The following LNX1 variants were observed in gnomAD, a reference collection of about 807,000 sequenced individuals.
LNX1 encodes the protein E3 ubiquitin-protein ligase LNX.
In LNX1, 54 loss-of-function variants were observed where a neutral mutation model predicts 68.4. That is an observed-to-expected ratio of 0.79 (90% CI 0.63 to 0.99). The LOEUF (loss-of-function observed/expected upper bound fraction) is 0.99. Among genes scored for constraint, LNX1 ranks in the 50% least tolerant of loss-of-function variants. The pLI is 0.00. For synonymous variants in LNX1, 336 were observed against 350.0 expected (o/e 0.96, Z 0.45); for missense variants, 906 against 926.4 (o/e 0.98, Z 0.29).
intron 6 of LNX1, among the ~76,000 whole-genome samples, chr4:53,487,519 C>T (rs955174869): frequency 6.6e-6 from 1 of 152,210 alleles, no homozygotes; most frequent in Non-Finnish European, 1.5e-5. Context: ...TTGCCACCCT[C>T]TCCCCACAAT....
intron 2 of LNX1, among the ~76,000 whole-genome samples, chr4:53,571,479 G>A (rs933750559): frequency 3.3e-5 from 5 of 151,976 alleles, no homozygotes; most frequent in East Asian, 1.9e-4. Flanking sequence ...GATGCTATGC[G>A]GCTGGCTCTG....
At chr4:53,609,850 C>T (rs1203414844) in intron 2 of LNX1, among the ~76,000 whole-genome samples, 1 of 145,166 alleles carries the variant, frequency 6.9e-6, no homozygotes, top group African/African-American at 2.5e-5. Flanking sequence ...ATAAATAAAT[C>T]ATGTAATTTA....
chr4:53,478,529 C>T, intron 8 of LNX1, 36 bp downstream of exon 8: 2 of 1,548,728 alleles, frequency 1.3e-6, no homozygotes, highest in Non-Finnish European at 1.8e-6. Context: ...TGATTCTCTG[C>T]CACCCCAGTG....
intron 2 of LNX1, among the ~76,000 whole-genome samples, chr4:53,550,694 C>CT (rs912475350): frequency 3.2e-4 from 48 of 152,300 alleles, no homozygotes; most frequent in African/African-American, 1.0e-3. Flanking sequence ...CTGGACCTTC[C>CT]TGTGTGGATC....
At chr4:53,507,865 C>A in intron 3 of LNX1, 121 bp downstream of exon 3, 2 of 1,341,464 alleles carry the variant, frequency 1.5e-6, no homozygotes, top group Non-Finnish European at 2.0e-6. Flanking sequence ...GGGTTCCTGC[C>A]AAAACTACCA....
intron 9 of LNX1, among the ~76,000 whole-genome samples, chr4:53,473,285 G>C (rs1271085093): frequency 6.6e-6 from 1 of 152,174 alleles, no homozygotes; most frequent in Non-Finnish European, 1.5e-5. Context: ...AGCAATGAAA[G>C]TGGCTGCAAA....
At chr4:53,496,596 C>A in intron 5 of LNX1, 2 of 548,686 alleles carry the variant, frequency 3.6e-6, no homozygotes, top group Admixed American at 3.3e-5. Flanking sequence ...CTCTCCAGGC[C>A]TCTGTGAGTA....
intron 1 of LNX1, among the ~76,000 whole-genome samples, chr4:53,626,470 C>T (rs1220975137): frequency 6.6e-6 from 1 of 152,162 alleles, no homozygotes; most frequent in Non-Finnish European, 1.5e-5. Flanking sequence ...TTCATTTCCT[C>T]ATTTGTTCAT....
At chr4:53,580,224 T>G (rs1302445637) in intron 1 of LNX1, among the ~76,000 whole-genome samples, 2 of 152,202 alleles carry the variant, frequency 1.3e-5, no homozygotes, top group African/African-American at 4.8e-5. Context: ...TTTCCACAAG[T>G]GCCACCGTTA....
intron 2 of LNX1, among the ~76,000 whole-genome samples, chr4:53,604,367 C>G (rs1733143620): frequency 6.6e-6 from 1 of 152,180 alleles, no homozygotes. Context: ...TCCTTATACT[C>G]ACAAATGCTT....
chr4:53,476,247 G>A (rs1312350305), intron 9 of LNX1, among the ~76,000 whole-genome samples: 4 of 152,132 alleles, frequency 2.6e-5, no homozygotes, highest in South Asian at 2.1e-4. Context: ...GCAGTGAGCC[G>A]AGATTGCACC....
At chr4:53,626,993 C>T (rs776629642) in intron 1 of LNX1, among the ~76,000 whole-genome samples, 22 of 152,116 alleles carry the variant, frequency 1.4e-4, no homozygotes, top group African/African-American at 4.6e-4. Flanking sequence ...AAAGATTGGC[C>T]GGGGATCCCA....
At chr4:53,559,808 T>C (rs1730152205) in intron 2 of LNX1, among the ~76,000 whole-genome samples, 1 of 140,856 alleles carries the variant, frequency 7.1e-6, no homozygotes, top group Non-Finnish European at 1.5e-5. Context: ...CCGCCATGCC[T>C]GGCTAAAAAA....
At chr4:53,639,422 TA>T (rs986473976) in intron 1 of LNX1, among the ~76,000 whole-genome samples, 17 of 151,358 alleles carry the variant, frequency 1.1e-4, no homozygotes, top group African/African-American at 2.9e-4. Flanking sequence ...ACCCCAAACC[TA>T]AAAAAAAATT....
intron 2 of LNX1, chr4:53,558,009 G>T: frequency 6.2e-7 from 1 of 1,610,702 alleles, no homozygotes; most frequent in Non-Finnish European, 8.5e-7. Flanking sequence ...CCTTCTGTCA[G>T]CTACAAGGGC....
Position 53,498,753 on chromosome 4 carries a change from C to T in LNX1, c.866G>A (p.Arg289Lys), listed in dbSNP as rs979826855. Residue 289 changes from arginine to lysine, a missense_variant, in exon 5 of 11, where the codon AGG (arginine) becomes AAG (lysine). By Grantham distance (26) the Arg-to-Lys change is conservative (BLOSUM62 2). Transcript: ENST00000263925. ...TGGGGTTTCGCTACCTCCCACCAGC[C>T]TAATAGAGAGGCTTTCACTGGGATC... ...RVDPSESLSIRLVGGSETPLV... is the reference protein window; with the variant it reads ...RVDPSESLSIKLVGGSETPLV... 1.9e-6 allele frequency: 3 copies of T among 1,613,990 alleles called. No individual in the cohort carries two copies. The highest frequency in any genetic ancestry group is 1.3e-5 in the African/African-American group (1 of 75,010).
At chr4:53,623,615 T>TA (rs773923246) in intron 1 of LNX1, among the ~76,000 whole-genome samples, 102 of 152,154 alleles carry the variant, frequency 6.7e-4, no homozygotes, top group Non-Finnish European at 1.2e-3. Context: ...GCAAGAGTGT[T>TA]ATGATGGTAT....
At chr4:53,629,842 T>C (rs1434460071) in intron 1 of LNX1, among the ~76,000 whole-genome samples, 1 of 152,172 alleles carries the variant, frequency 6.6e-6, no homozygotes, top group Non-Finnish European at 1.5e-5. Context: ...ATATTGCAGG[T>C]ACGCCTTGGT....
At chr4:53,566,692 A>C (rs1351808502) in intron 2 of LNX1, among the ~76,000 whole-genome samples, 1 of 152,060 alleles carries the variant, frequency 6.6e-6, no homozygotes, top group Non-Finnish European at 1.5e-5. Flanking sequence ...CAACTAAAAG[A>C]CACAGACTGG....
Sources: gnomAD v4.1 joint callset for allele counts (sites outside exome capture counted in the v4.1 genomes callset) on GRCh38, gnomAD v4.1.1 for gene constraint, MANE v1.5 for transcripts, NCBI Gene and HGNC (gene_info 2026-07-23, HGNC 2026-07-21) for gene names.